The following DNAJC3 variants were observed in gnomAD, a reference collection of about 807,000 sequenced individuals.
DNAJC3 encodes dnaJ homolog subfamily C member 3.
DNAJC3 carries 38 observed loss-of-function variants against 68.6 expected under a neutral mutation model. The ratio of observed to expected loss-of-function variants is 0.55; its 90% CI spans 0.43 to 0.73. The LOEUF (loss-of-function observed/expected upper bound fraction) is 0.73. Among genes scored for constraint, DNAJC3 ranks in the 30% least tolerant of loss-of-function variants. The pLI, the probability that DNAJC3 is intolerant of heterozygous loss-of-function variation, is 0.00. For synonymous variants in DNAJC3, 203 were observed against 204.0 expected (o/e 1.00, Z 0.04); for missense variants, 526 against 591.9 (o/e 0.89, Z 1.16).
intron 9 of DNAJC3, among the ~76,000 whole-genome samples, chr13:95,782,726 A>T (rs1450468883): frequency 6.6e-6 from 1 of 151,916 alleles, no homozygotes; most frequent in Admixed American, 6.6e-5. Context: ...GATCGCAAAA[A>T]TTTTCTCCCA....
chr13:95,756,605 AAGG>A (rs1257573798), intron 4 of DNAJC3, among the ~76,000 whole-genome samples: 2 of 152,188 alleles, frequency 1.3e-5, no homozygotes, highest in East Asian at 1.9e-4. Context: ...AATCCACTGA[AAGG>A]AGGAATATGA....
At chr13:95,688,927 G>GGGGGGT (rs1555321769) in intron 1 of DNAJC3, among the ~76,000 whole-genome samples, 9 of 129,670 alleles carry the variant, frequency 6.9e-5, no homozygotes, top group African/African-American at 1.8e-4. Context: ...TGATTGTGTG[G>GGGGGGT]GTGTGTGTGT....
chr13:95,729,322 CTGTCCTTTTCCCTCTCCCTCTCCT>C, intron 4 of DNAJC3, among the ~76,000 whole-genome samples: 1 of 129,596 alleles, frequency 7.7e-6, no homozygotes, highest in African/African-American at 2.9e-5. Context: ...CTCCCTCTCC[CTGTCCTTTTCCCTCTCCCTCTCCT>C]TCTCCCCATC....
intron 4 of DNAJC3, among the ~76,000 whole-genome samples, chr13:95,734,992 C>T (rs1265533631): frequency 7.1e-6 from 1 of 141,524 alleles, no homozygotes; most frequent in African/African-American, 2.6e-5. Context: ...CACAACAGGC[C>T]CCAGAGTGTG....
rs1230978873 is a variant in DNAJC3 at position 95,727,023 on chromosome 13, A to T, written c.393+1771A>T. Among the ~76,000 whole-genome samples the T allele has an allele frequency of 2.6e-5, 4 of 152,162 alleles. No individual in the cohort carries two copies. In the South Asian group the frequency reaches 8.3e-4, roughly 32 times the overall value. On this transcript the variant is annotated intron_variant, in intron 4 of 11. Coordinates refer to ENST00000602402, the MANE Select transcript of DNAJC3 (RefSeq NM_006260.5). ...CCTCCTACTTGGGAAGATGCTTGAGAGCAGGCTGAAGACTGGGTGGTGGGG... is the reference window on the plus strand; with the variant it reads ...CCTCCTACTTGGGAAGATGCTTGAGTGCAGGCTGAAGACTGGGTGGTGGGG...
At chr13:95,688,927 G>GGTGGGTGTGTGTGTGT (rs1555321770) in intron 1 of DNAJC3, among the ~76,000 whole-genome samples, 1 of 129,670 alleles carries the variant, frequency 7.7e-6, no homozygotes, top group African/African-American at 3.1e-5. Context: ...TGATTGTGTG[G>GGTGGGTGTGTGTGTGT]GTGTGTGTGT....
chr13:95,748,731 G>C (rs1429737943), intron 4 of DNAJC3, among the ~76,000 whole-genome samples: 1 of 152,162 alleles, frequency 6.6e-6, no homozygotes, highest in Non-Finnish European at 1.5e-5. Context: ...CAGGAGAATT[G>C]CTTGAACCTG....
At chr13:95,689,752 A>G (rs1196394466) in intron 1 of DNAJC3, among the ~76,000 whole-genome samples, 2 of 152,066 alleles carry the variant, frequency 1.3e-5, no homozygotes, top group African/African-American at 2.4e-5. Context: ...AACATGCTTC[A>G]TAGCACAGCT....
At chr13:95,742,970 A>C in intron 4 of DNAJC3, 1 of 425,810 alleles carries the variant, frequency 2.3e-6, no homozygotes, top group Non-Finnish European at 4.6e-6. Context: ...TATGAGGTTT[A>C]GGTCGAAGTT....
intron 2 of DNAJC3, among the ~76,000 whole-genome samples, chr13:95,722,596 G>A (rs1292856934): frequency 6.8e-6 from 1 of 146,506 alleles, no homozygotes; most frequent in African/African-American, 2.6e-5. Context: ...AACATGGTGA[G>A]ACTCTCTACA....
At chr13:95,738,376 C>G (rs1414847961) in intron 4 of DNAJC3, among the ~76,000 whole-genome samples, 2 of 148,696 alleles carry the variant, frequency 1.3e-5, no homozygotes, top group Non-Finnish European at 3.0e-5. Flanking sequence ...CCTGGGTATC[C>G]TTGTTGACTT....
intron 9 of DNAJC3, among the ~76,000 whole-genome samples, chr13:95,779,119 C>CT (rs142933580): frequency 0.023 from 2,253 of 97,762 alleles, 70 homozygotes; most frequent in Non-Finnish European, 0.034. Flanking sequence ...TTTCTTCTTT[C>CT]TTTTTTTTTT....
intron 11 of DNAJC3, among the ~76,000 whole-genome samples, chr13:95,789,449 C>T (rs964244672): frequency 6.6e-6 from 1 of 152,176 alleles, no homozygotes; most frequent in African/African-American, 2.4e-5. Flanking sequence ...ATAGTGGCCT[C>T]CAGCTCCATC....
At chr13:95,768,995 ATATC>A (rs991588647) in intron 9 of DNAJC3, among the ~76,000 whole-genome samples, 1 of 89,050 alleles carries the variant, frequency 1.1e-5, no homozygotes, top group Non-Finnish European at 2.0e-5. Context: ...ATCTATATCT[ATATC>A]TATATCTATA....
In DNAJC3 at chr13:95,718,541, T is replaced by C. The variant is rs551555851; in HGVS notation, c.194-4701T>C. Among the ~76,000 whole-genome samples, 45 of 152,328 alleles carry C rather than the reference T, an allele frequency of 3.0e-4. No individual in the cohort carries two copies. In the South Asian group the frequency reaches 8.9e-3, roughly 30 times the overall value. On this transcript the variant is annotated intron_variant, in intron 2 of 11. Transcript: ENST00000602402. ...TCAGCCTCTGGAGTAGCTGGGATTA[T>C]AGGTGTGCACCACCATGCCTGGCTA...
chr13:95,737,398 A>G (rs1056334704), intron 4 of DNAJC3, among the ~76,000 whole-genome samples: 2 of 151,830 alleles, frequency 1.3e-5, no homozygotes, highest in Admixed American at 6.6e-5. Context: ...AAGGAATGGT[A>G]CCAGTTCCTC....
chr13:95,763,602 C>T, intron 7 of DNAJC3, 41 bp from the exon 8 acceptor site: 1 of 1,588,482 alleles, frequency 6.3e-7, no homozygotes, highest in Non-Finnish European at 8.6e-7. Flanking sequence ...CTCTGGAAAT[C>T]AAATGTCATC....
intron 1 of DNAJC3, among the ~76,000 whole-genome samples, chr13:95,687,755 A>G (rs548118826): frequency 6.6e-6 from 1 of 152,254 alleles, no homozygotes; most frequent in Admixed American, 6.5e-5. Flanking sequence ...TTGGCTATTC[A>G]GGTTCTTTTT....
intron 9 of DNAJC3, among the ~76,000 whole-genome samples, chr13:95,781,778 ATGG>A (rs1478025186): frequency 5.9e-5 from 9 of 151,498 alleles, no homozygotes; most frequent in African/African-American, 1.5e-4. Flanking sequence ...CTGTTCAGTA[ATGG>A]TGGGATAAAC....
Sources: allele counts gnomAD v4.1 joint callset (sites outside exome capture counted in the v4.1 genomes callset), GRCh38; gene constraint gnomAD v4.1.1; transcripts MANE v1.5; gene names NCBI Gene and HGNC (gene_info 2026-07-23, HGNC 2026-07-21).